Variants in SLC6A15 observed in about 807,000 individuals in gnomAD.
SLC6A15 encodes the protein sodium-dependent neutral amino acid transporter B(0)AT2.
SLC6A15 carries 33 observed loss-of-function variants against 68.5 expected under a neutral mutation model. The observed-to-expected ratio is 0.48, with a 90% CI of 0.37 to 0.64. The LOEUF (loss-of-function observed/expected upper bound fraction) is 0.64. Among genes scored for constraint, SLC6A15 ranks in the 30% least tolerant of loss-of-function variants. The pLI is 0.00. For synonymous variants in SLC6A15, 347 were observed against 301.0 expected (o/e 1.15, Z -1.58); for missense variants, 747 against 874.3 (o/e 0.85, Z 1.84).
In SLC6A15 at chr12:84,872,783, G is replaced by A. The variant is rs143811197; in HGVS notation, c.1121C>T (p.Thr374Met). ...NEKCITQNSETIMKFLKMGNI... is the reference protein window; with the variant it reads ...NEKCITQNSEMIMKFLKMGNI... ...CCCCATTTTCAAAAATTTCATGATC[G>A]TCTCTGAATTTCTGAAAAATAAAAC... The change falls in exon 8 of 12, where the codon ACG (threonine) becomes ATG (methionine). Residue 374 changes from threonine to methionine, a missense_variant. Thr to Met is a moderately conservative substitution (Grantham distance 81). Transcript: ENST00000266682. The A allele has an allele frequency of 3.0e-5, 48 of 1,599,776 alleles. No individual in the cohort carries two copies. Among genetic ancestry groups the A allele is most frequent in the South Asian group, 8.0e-5 (7 of 87,810 alleles).
At chr12:84,901,924 G>A (rs1406992892) in intron 1 of SLC6A15, among the ~76,000 whole-genome samples, 1 of 151,324 alleles carries the variant, frequency 6.6e-6, no homozygotes, top group African/African-American at 2.4e-5. Context: ...TTCTAATATA[G>A]GACAAAAATA....
intron 1 of SLC6A15, among the ~76,000 whole-genome samples, chr12:84,893,996 C>T (rs537562033): frequency 6.6e-6 from 1 of 152,240 alleles, no homozygotes; most frequent in East Asian, 1.9e-4. Context: ...AGATACTACA[C>T]TTGATCTTAG....
At chr12:84,866,521 C>G (rs921485091) in intron 10 of SLC6A15, among the ~76,000 whole-genome samples, 3 of 152,048 alleles carry the variant, frequency 2.0e-5, no homozygotes, top group Admixed American at 6.6e-5. Context: ...CCAATATTGT[C>G]CTGCTATATA....
At chr12:84,876,304 T>C (rs989246386) in intron 6 of SLC6A15, among the ~76,000 whole-genome samples, 193 bp downstream of exon 6, 10 of 152,002 alleles carry the variant, frequency 6.6e-5, no homozygotes, top group African/African-American at 1.2e-4. Flanking sequence ...AAATGGGATA[T>C]AAAAAATGGA....
intron 1 of SLC6A15, among the ~76,000 whole-genome samples, chr12:84,902,287 T>C (rs116284122): frequency 0.04 from 6,147 of 152,018 alleles, 383 homozygotes; most frequent in African/African-American, 0.14. Flanking sequence ...ATATTTTTTT[T>C]CCCAAAAGGT....
chr12:84,876,194 GA>G (rs1473247628), intron 6 of SLC6A15, among the ~76,000 whole-genome samples: 1 of 151,222 alleles, frequency 6.6e-6, no homozygotes, highest in African/African-American at 2.4e-5. Flanking sequence ...AAGGAAGACT[GA>G]AAAATTCTGA....
chr12:84,879,333 C>CT (rs11338196), intron 5 of SLC6A15, among the ~76,000 whole-genome samples: 36 of 150,680 alleles, frequency 2.4e-4, no homozygotes, highest in Admixed American at 1.7e-3. Context: ...CACACACTTT[C>CT]TTTTTTTTTG....
At chr12:84,909,414 G>T (rs909153374) in intron 1 of SLC6A15, among the ~76,000 whole-genome samples, 1 of 152,124 alleles carries the variant, frequency 6.6e-6, no homozygotes, top group Non-Finnish European at 1.5e-5. Context: ...TTTAGGGCTT[G>T]TTGTTCACAG....
intron 6 of SLC6A15, 151 bp downstream of exon 6, chr12:84,876,346 C>A (rs1871540430): frequency 2.3e-6 from 1 of 431,542 alleles, no homozygotes; most frequent in African/African-American, 2.1e-5. Flanking sequence ...ATAAAAAATG[C>A]TGGTTTTTCC....
chr12:84,884,360 C>A (rs1050660195), intron 4 of SLC6A15, among the ~76,000 whole-genome samples: 2 of 151,994 alleles, frequency 1.3e-5, no homozygotes, highest in African/African-American at 4.8e-5. Context: ...GGCTGGAGTG[C>A]AATGGTGCGA....
intron 1 of SLC6A15, among the ~76,000 whole-genome samples, chr12:84,904,387 C>G (rs572432129): frequency 2.0e-5 from 3 of 152,178 alleles, no homozygotes; most frequent in Admixed American, 2.0e-4. Flanking sequence ...CCAACCACCC[C>G]ACAGAAGAAT....
chr12:84,865,564 G>C (rs1261109734), intron 10 of SLC6A15, among the ~76,000 whole-genome samples: 1 of 152,316 alleles, frequency 6.6e-6, no homozygotes, highest in East Asian at 1.9e-4. Flanking sequence ...CACCATTACA[G>C]TGTCATACAG....
intron 5 of SLC6A15, among the ~76,000 whole-genome samples, chr12:84,879,266 C>A (rs143951296): frequency 6.6e-6 from 1 of 151,868 alleles, no homozygotes; most frequent in Middle Eastern, 3.2e-3. Context: ...AAATTTACAT[C>A]CCCCGTGAAG....
chr12:84,883,761 T>C (rs139320132), intron 5 of SLC6A15, 98 bp downstream of exon 5: 11 of 1,613,594 alleles, frequency 6.8e-6, no homozygotes, highest in East Asian at 2.2e-5. Context: ...TGAAGTGTTA[T>C]GTGTGATTTG....
chr12:84,878,296 T>G (rs1871651451), intron 5 of SLC6A15, among the ~76,000 whole-genome samples: 1 of 152,206 alleles, frequency 6.6e-6, no homozygotes, highest in South Asian at 2.1e-4. Flanking sequence ...TCACTCAAAT[T>G]TTTTGATTTT....
At chr12:84,875,688 ATATATATATAT>A (rs1201211302) in intron 6 of SLC6A15, among the ~76,000 whole-genome samples, 8 of 692 alleles carry the variant, frequency 0.012, no homozygotes, top group African/African-American at 0.037. Flanking sequence ...ATATATATAT[ATATATATATAT>A]GAGAATCAAA....
At chr12:84,865,279 A>AT (rs774739178) in intron 10 of SLC6A15, among the ~76,000 whole-genome samples, 9 of 152,152 alleles carry the variant, frequency 5.9e-5, no homozygotes, top group East Asian at 1.9e-4. Flanking sequence ...AACAAGGAGT[A>AT]TTTTTTGATT....
At chr12:84,896,929 G>A (rs575739338) in intron 1 of SLC6A15, among the ~76,000 whole-genome samples, 1 of 152,276 alleles carries the variant, frequency 6.6e-6, no homozygotes, top group African/African-American at 2.4e-5. Context: ...GGTGGCTCAC[G>A]CCTGTAAACC....
rs1169809538 is a variant in SLC6A15, at chr12:84,860,435, C to A, written c.*1197G>T. 2 of 152,026 alleles carry A rather than the reference C, an allele frequency of 1.3e-5. No individual in the cohort carries two copies. Among genetic ancestry groups the A allele is most frequent in the Admixed American group, 1.3e-4 (2 of 15,252 alleles). 9.4% of individuals were successfully genotyped at this position (152,026 alleles called of 1,614,324 possible). On this transcript the variant is annotated 3_prime_UTR_variant, in exon 12 of 12. Coordinates refer to ENST00000266682, the MANE Select transcript of SLC6A15 (RefSeq NM_182767.6). ...ATGGTTTCTTGGGAGGCTGTAAGTA[C>A]TTTTTCAAGAATCATAAGACTACAT...
Sources: gnomAD v4.1 joint callset for allele counts (sites outside exome capture counted in the v4.1 genomes callset) on GRCh38, gnomAD v4.1.1 for gene constraint, MANE v1.5 for transcripts, NCBI Gene and HGNC (gene_info 2026-07-23, HGNC 2026-07-21) for gene names.